The following SNAP25 variants were observed in gnomAD, a reference collection of about 807,000 sequenced individuals.
SNAP25 encodes the protein synaptosomal-associated protein 25.
Under a neutral mutation model 28.7 loss-of-function variants are expected in SNAP25, and 3 were observed. The observed-to-expected ratio is 0.10, with a 90% CI of 0.05 to 0.27. SNAP25 has a LOEUF of 0.27. Ranked by LOEUF, SNAP25 falls within the 10% of genes least tolerant of loss-of-function variation. The pLI is 1.00. For missense variants in SNAP25, 117 were observed against 278.7 expected, an observed-to-expected ratio of 0.42 and a Z score of 4.13; for synonymous variants, 61 against 88.1, an observed-to-expected ratio of 0.69 and a Z score of 1.72.
chr20:10,275,393 A>G (rs1245749319), intron 1 of SNAP25, 36 bp from the exon 2 acceptor site: 2 of 1,060,236 alleles, frequency 1.9e-6, no homozygotes, highest in South Asian at 1.6e-5. Context: ...ATGAACATAT[A>G]TAAGCTCTCA....
At chr20:10,289,356 G>C (rs889549382) in intron 4 of SNAP25, among the ~76,000 whole-genome samples, 1 of 152,106 alleles carries the variant, frequency 6.6e-6, no homozygotes, top group African/African-American at 2.4e-5. Context: ...TTGCTGAGTT[G>C]TATGTCTGTT....
chr20:10,252,037 C>A (rs1303424330), intron 1 of SNAP25, among the ~76,000 whole-genome samples: 1 of 152,172 alleles, frequency 6.6e-6, no homozygotes, highest in African/African-American at 2.4e-5. Context: ...CCTTCTAGAA[C>A]CATCTGGAAC....
At chr20:10,251,364 G>A (rs2063223752) in intron 1 of SNAP25, among the ~76,000 whole-genome samples, 1 of 152,184 alleles carries the variant, frequency 6.6e-6, no homozygotes, top group African/African-American at 2.4e-5. Context: ...GAACCACACA[G>A]GAGTCCAAAG....
intron 6 of SNAP25, among the ~76,000 whole-genome samples, chr20:10,298,108 CT>C (rs373563131): frequency 7.9e-5 from 12 of 151,716 alleles, no homozygotes; most frequent in Non-Finnish European, 1.3e-4. Flanking sequence ...CCAGGGGAGA[CT>C]TTTTTTTCTT....
chr20:10,274,314 C>T (rs899735301), intron 1 of SNAP25, among the ~76,000 whole-genome samples: 2 of 152,136 alleles, frequency 1.3e-5, no homozygotes, highest in African/African-American at 2.4e-5. Context: ...TTTTGGCAAC[C>T]TCTGATGATG....
intron 7 of SNAP25, among the ~76,000 whole-genome samples, chr20:10,301,813 G>T (rs1046260657): frequency 6.8e-6 from 1 of 146,930 alleles, no homozygotes; most frequent in East Asian, 2.0e-4. Flanking sequence ...CTGCTTAAGG[G>T]TATTTATGTA....
At chr20:10,278,750 G>C (rs926627882) in intron 3 of SNAP25, among the ~76,000 whole-genome samples, 2 of 151,960 alleles carry the variant, frequency 1.3e-5, no homozygotes, top group Admixed American at 6.6e-5. Context: ...TTTTACAAAG[G>C]ATAAAAGGAA....
chr20:10,232,908 A>G (rs561286320), intron 1 of SNAP25, among the ~76,000 whole-genome samples: 3 of 152,138 alleles, frequency 2.0e-5, no homozygotes, highest in Non-Finnish European at 2.9e-5. Flanking sequence ...CCGCAATAAC[A>G]TCAGCAGAAC....
chr20:10,260,688 TACACACACACACAC>T (rs36220354), intron 1 of SNAP25, among the ~76,000 whole-genome samples: 47 of 148,588 alleles, frequency 3.2e-4, no homozygotes, highest in Middle Eastern at 3.5e-3. Context: ...TTAGACTCAC[TACACACACACACAC>T]ACACACACAC....
chr20:10,263,923 C>G (rs956381056), intron 1 of SNAP25, among the ~76,000 whole-genome samples: 19 of 152,140 alleles, frequency 1.2e-4, no homozygotes, highest in African/African-American at 4.6e-4. Flanking sequence ...GGCCCCTCTT[C>G]TCTCCTGGTC....
chr20:10,296,825 C>A, intron 5 of SNAP25, 100 bp from the exon 6 acceptor site: 1 of 1,566,940 alleles, frequency 6.4e-7, no homozygotes, highest in African/African-American at 1.4e-5. Context: ...CGACTTAAAA[C>A]TCATTCGCTT....
At chr20:10,294,359 A>T (rs1033645441) in intron 5 of SNAP25, among the ~76,000 whole-genome samples, 1 of 152,202 alleles carries the variant, frequency 6.6e-6, no homozygotes, top group Admixed American at 6.5e-5. Context: ...CAAAAAAATT[A>T]AAAAATTCTG....
intron 1 of SNAP25, among the ~76,000 whole-genome samples, chr20:10,268,512 A>G (rs1310699901): frequency 6.6e-6 from 1 of 152,174 alleles, no homozygotes; most frequent in Non-Finnish European, 1.5e-5. Context: ...CACTTGGACT[A>G]ATGACCCATG....
intron 1 of SNAP25, among the ~76,000 whole-genome samples, chr20:10,260,845 A>T (rs1213806244): frequency 6.6e-6 from 1 of 152,186 alleles, no homozygotes; most frequent in Non-Finnish European, 1.5e-5. Context: ...GCTAACATCC[A>T]TTAGGTTAAT....
chr20:10,292,707 T>C (rs2064025163), intron 4 of SNAP25, among the ~76,000 whole-genome samples: 1 of 152,222 alleles, frequency 6.6e-6, no homozygotes, highest in Non-Finnish European at 1.5e-5. Flanking sequence ...TTTGGTTTGT[T>C]TCTTTCCACC....
chr20:10,251,954 G>A (rs2063236962), intron 1 of SNAP25, among the ~76,000 whole-genome samples: 1 of 152,138 alleles, frequency 6.6e-6, no homozygotes, highest in South Asian at 2.1e-4. Flanking sequence ...TGTTTGACAG[G>A]TCACTCCAGC....
intron 4 of SNAP25, among the ~76,000 whole-genome samples, chr20:10,285,500 C>A (rs1290023779): frequency 6.6e-6 from 1 of 152,122 alleles, no homozygotes; most frequent in Non-Finnish European, 1.5e-5. Flanking sequence ...TACCTGATTC[C>A]GTTCTGAATT....
intron 7 of SNAP25, among the ~76,000 whole-genome samples, chr20:10,301,181 A>G (rs1461074624): frequency 6.6e-6 from 1 of 152,176 alleles, no homozygotes; most frequent in East Asian, 1.9e-4. Flanking sequence ...TGATTCTGCC[A>G]CTTTGAATTT....
intron 3 of SNAP25, 123 bp from the exon 4 acceptor site, chr20:10,284,601 C>CT (rs2063840010): frequency 1.3e-6 from 1 of 773,278 alleles, no homozygotes; most frequent in Non-Finnish European, 2.2e-6. Context: ...TACTTTCTCC[C>CT]TTTTTTCTTT....
Sources: allele counts gnomAD v4.1 joint callset (sites outside exome capture counted in the v4.1 genomes callset), GRCh38; gene constraint gnomAD v4.1.1; transcripts MANE v1.5; gene names NCBI Gene and HGNC (gene_info 2026-07-23, HGNC 2026-07-21).